MAML3: variants seen among roughly 807,000 people sequenced by gnomAD.
MAML3 encodes the protein mastermind like transcriptional coactivator 3.
Under a neutral mutation model 101.9 loss-of-function variants are expected in MAML3, and 27 were observed. That is an observed-to-expected ratio of 0.27 (90% CI 0.20 to 0.37). MAML3 has a LOEUF of 0.37. Ranked by LOEUF, MAML3 falls within the 10% of genes least tolerant of loss-of-function variation. MAML3 has a pLI of 1.00. For missense variants in MAML3, 1,316 were observed against 1,444.9 expected (o/e 0.91, Z 1.45); for synonymous variants, 501 against 555.9 (o/e 0.90, Z 1.39).
chr4:139,949,536 G>A (rs1379899510), intron 1 of MAML3, among the ~76,000 whole-genome samples: 1 of 152,166 alleles, frequency 6.6e-6, no homozygotes, highest in Non-Finnish European at 1.5e-5. Flanking sequence ...AGTCTGGCTT[G>A]TAACATAACT....
chr4:139,903,515 A>T (rs1478145665), intron 1 of MAML3, among the ~76,000 whole-genome samples: 2 of 152,236 alleles, frequency 1.3e-5, no homozygotes, highest in Non-Finnish European at 2.9e-5. Context: ...ATACCTATGA[A>T]GCCAGTGCTC....
chr4:139,824,665 T>C (rs1199619953), intron 2 of MAML3, among the ~76,000 whole-genome samples: 1 of 152,188 alleles, frequency 6.6e-6, no homozygotes, highest in Non-Finnish European at 1.5e-5. Context: ...ATTTCAGTAG[T>C]TTGTAAGTAT....
intron 2 of MAML3, among the ~76,000 whole-genome samples, chr4:139,876,028 C>G (rs1021779067): frequency 6.6e-6 from 1 of 151,398 alleles, no homozygotes; most frequent in African/African-American, 2.4e-5. Context: ...AACACAGTAG[C>G]CACTAGCCAC....
At position 139,873,931 on chromosome 4, in the gene MAML3, CAATAGATAACT is replaced by C. The variant is rs531196186; in HGVS notation, c.2079+15415_2079+15425del. Among the ~76,000 whole-genome samples, 18 of 152,336 alleles carry C rather than the reference CAATAGATAACT, an allele frequency of 1.2e-4. No homozygotes were observed. In the South Asian group the frequency reaches 3.7e-3, roughly 32 times the overall value. On this transcript the variant is annotated intron_variant, in intron 2 of 4. Transcript: ENST00000509479. Reference sequence around the variant, plus strand: ...GTTTTGAGCATAAGTTGTTACACAGCAATAGATAACTAATATGGTAATCTTTCCAATAGAGC... The same window carrying C: ...GTTTTGAGCATAAGTTGTTACACAGCAATATGGTAATCTTTCCAATAGAGC...
At chr4:140,148,675 G>A (rs549046458) in intron 1 of MAML3, among the ~76,000 whole-genome samples, 8 of 152,176 alleles carry the variant, frequency 5.3e-5, no homozygotes, top group Non-Finnish European at 1.2e-4. Context: ...GGTAAGAAAT[G>A]GGAAGCCAGA....
intron 1 of MAML3, among the ~76,000 whole-genome samples, chr4:140,046,337 G>A (rs563005665): frequency 3.2e-4 from 48 of 152,200 alleles, no homozygotes; most frequent in African/African-American, 8.4e-4. Context: ...GCAGAATCTC[G>A]TCTCCCCACC....
At chr4:140,069,022 C>G (rs529968504) in intron 1 of MAML3, among the ~76,000 whole-genome samples, 2 of 152,108 alleles carry the variant, frequency 1.3e-5, no homozygotes, top group African/African-American at 4.8e-5. Flanking sequence ...TCTTTATATT[C>G]TGAAAAAGGT....
chr4:139,865,922 C>T (rs1486967321), intron 2 of MAML3, among the ~76,000 whole-genome samples: 1 of 152,218 alleles, frequency 6.6e-6, no homozygotes, highest in Non-Finnish European at 1.5e-5. Context: ...GTCTGTTTTC[C>T]CAGGTCCGTC....
At position 139,950,787 on chromosome 4, in the gene MAML3, C is replaced by T. The variant is rs536868573; in HGVS notation, c.469-59820G>A. Among the ~76,000 whole-genome samples the T allele has an allele frequency of 4.6e-5, 7 of 152,290 alleles. No individual in the cohort carries two copies. The East Asian group carries it at 9.7e-4, about 21-fold the overall frequency. On this transcript the variant is annotated intron_variant, in intron 1 of 4. Coordinates refer to ENST00000509479, the MANE Select transcript of MAML3 (RefSeq NM_018717.5). The stretch of plus-strand genomic sequence containing the variant: ...CCCAAGTAGGGGCCCCAGAGACTTG[C>T]GGCCACCCTGCTAAGAGTCCTCCAG...
At chr4:139,878,858 C>T (rs17368602) in intron 2 of MAML3, among the ~76,000 whole-genome samples, 57,064 of 151,992 alleles carry the variant, frequency 0.38, 11,150 homozygotes, top group Non-Finnish European at 0.43. Flanking sequence ...AGCCTTGTGT[C>T]GCCTTTAATG....
intron 1 of MAML3, among the ~76,000 whole-genome samples, chr4:140,003,973 C>T (rs1165021607): frequency 6.6e-6 from 1 of 152,228 alleles, no homozygotes; most frequent in African/African-American, 2.4e-5. Context: ...TCCGCACAAG[C>T]AAGAGAATCA....
chr4:139,889,948 C>CTGCTGTTGCTGT lies in MAML3; in HGVS notation c.1487_1488insACAGCAACAGCA (p.Gln507_Gln510dup). 4 of 1,551,432 alleles carry CTGCTGTTGCTGT rather than the reference C, an allele frequency of 2.6e-6. No homozygotes were observed. The highest frequency in any genetic ancestry group is 3.5e-6 in the Non-Finnish European group (4 of 1,129,034). ...GCTGCTGCTGCTGCTGCTGCTGCTG[C>CTGCTGTTGCTGT]TGCTGCTGCTGCTGCTGCTGTTGCT... On this transcript the variant is annotated inframe_insertion, in exon 2 of 5. Transcript: ENST00000509479.
chr4:140,017,294 A>C (rs1726657194), intron 1 of MAML3, among the ~76,000 whole-genome samples: 1 of 152,316 alleles, frequency 6.6e-6, no homozygotes, highest in East Asian at 1.9e-4. Context: ...AAAAACAGTG[A>C]CACCACCAAA....
intron 1 of MAML3, among the ~76,000 whole-genome samples, chr4:140,118,161 T>C (rs917753678): frequency 5.3e-5 from 8 of 151,380 alleles, no homozygotes; most frequent in Admixed American, 5.3e-4. Flanking sequence ...TATTTGTGGG[T>C]TTGTTTTTTT....
At position 139,778,688 on chromosome 4, in the gene MAML3, A is replaced by G. The variant is rs7677152; in HGVS notation, c.2080-48021T>C. Among the ~76,000 whole-genome samples, 855 of 152,304 alleles carry G rather than the reference A, an allele frequency of 5.6e-3. 6 individuals are homozygous for G. The highest frequency in any genetic ancestry group is 0.02 in the African/African-American group (811 of 41,566). On this transcript the variant is annotated intron_variant, in intron 2 of 4. Transcript: ENST00000509479. ...CCCTTGTGGTTCCACGTTCCCACAG[A>G]AAATGCTATGAGCTGGCCAGGCACA...
intron 1 of MAML3, among the ~76,000 whole-genome samples, chr4:140,001,826 C>G (rs1405268599): frequency 6.6e-6 from 1 of 152,142 alleles, no homozygotes; most frequent in Non-Finnish European, 1.5e-5. Flanking sequence ...AGGCTTTTTA[C>G]TTTTTCCTTT....
intron 2 of MAML3, among the ~76,000 whole-genome samples, chr4:139,767,899 G>A (rs746342620): frequency 2.0e-5 from 3 of 152,178 alleles, no homozygotes; most frequent in Non-Finnish European, 4.4e-5. Context: ...TTTAGTTCTG[G>A]TTAGTTATTT....
At chr4:140,094,501 C>T (rs1335725372) in intron 1 of MAML3, among the ~76,000 whole-genome samples, 2 of 152,198 alleles carry the variant, frequency 1.3e-5, no homozygotes, top group Admixed American at 6.5e-5. Context: ...TTTGTCCTCA[C>T]TCATCTTCTC....
chr4:139,821,615 A>G (rs1730975330), intron 2 of MAML3, among the ~76,000 whole-genome samples: 1 of 152,334 alleles, frequency 6.6e-6, no homozygotes, highest in African/African-American at 2.4e-5. Context: ...ACACCTTTCT[A>G]CCACACTCCA....
Sources: allele counts gnomAD v4.1 joint callset (sites outside exome capture counted in the v4.1 genomes callset), GRCh38; gene constraint gnomAD v4.1.1; transcripts MANE v1.5; gene names NCBI Gene and HGNC (gene_info 2026-07-23, HGNC 2026-07-21).